The following KCND2 variants were observed in gnomAD, a reference collection of about 807,000 sequenced individuals.
KCND2 encodes A-type voltage-gated potassium channel KCND2.
In KCND2, 16 loss-of-function variants were observed where a neutral mutation model predicts 54.4. The observed-to-expected ratio is 0.29, with a 90% CI of 0.20 to 0.45. The LOEUF is 0.45. KCND2 is among the 20% of genes least tolerant of loss of function. The pLI, the probability that KCND2 is intolerant of heterozygous loss-of-function variation, is 1.00. For synonymous variants in KCND2, 317 were observed against 310.7 expected (o/e 1.02, Z -0.21); for missense variants, 486 against 824.2 (o/e 0.59, Z 5.02).
At chr7:120,666,437 A>G (rs1042391666) in intron 1 of KCND2, among the ~76,000 whole-genome samples, 1 of 151,964 alleles carries the variant, frequency 6.6e-6, no homozygotes, top group Non-Finnish European at 1.5e-5. Flanking sequence ...TAAAGAATCA[A>G]TAATCTAGTA....
chr7:120,416,317 T>C (rs567876463), intron 1 of KCND2, among the ~76,000 whole-genome samples: 14 of 152,294 alleles, frequency 9.2e-5, no homozygotes, highest in Admixed American at 8.5e-4. Flanking sequence ...TTTGCACATA[T>C]TTTTGCCTCT....
chr7:120,377,378 G>C lies in KCND2; in HGVS notation c.1115+101631G>C, dbSNP rs959561696. Among the ~76,000 whole-genome samples, 6 of 151,868 alleles carry C rather than the reference G, an allele frequency of 4.0e-5. No homozygotes were observed. The East Asian group carries it at 9.7e-4, about 25-fold the overall frequency. ...TAGAAGTGTAGTGGGCTCAAGTTTT[G>C]ACAACCAGAAAGAGTTTGTGGTGAG... is the stretch of plus-strand genomic sequence containing the variant. On this transcript the variant is annotated intron_variant, in intron 1 of 5. Coordinates refer to ENST00000331113, the MANE Select transcript of KCND2 (RefSeq NM_012281.3).
At chr7:120,386,936 A>G (rs1050075576) in intron 1 of KCND2, among the ~76,000 whole-genome samples, 1 of 152,144 alleles carries the variant, frequency 6.6e-6, no homozygotes, top group Non-Finnish European at 1.5e-5. Flanking sequence ...TTCTTTATTC[A>G]GTGCAATTAT....
chr7:120,591,329 A>G (rs1285759965), intron 1 of KCND2, among the ~76,000 whole-genome samples: 3 of 152,164 alleles, frequency 2.0e-5, no homozygotes, highest in Admixed American at 2.0e-4. Flanking sequence ...GAAAAAGTGG[A>G]TTGGCCTACA....
chr7:120,383,294 G>A (rs1800938694), intron 1 of KCND2, among the ~76,000 whole-genome samples: 1 of 151,880 alleles, frequency 6.6e-6, no homozygotes, highest in Non-Finnish European at 1.5e-5. Context: ...CATCTAGGCT[G>A]CAAAGGTTGC....
chr7:120,371,925 T>A (rs1367428412), intron 1 of KCND2, among the ~76,000 whole-genome samples: 2 of 151,908 alleles, frequency 1.3e-5, no homozygotes, highest in African/African-American at 4.8e-5. Flanking sequence ...TCAGAACGTA[T>A]CCCTGGTGTT....
rs1175736454 is a variant in KCND2 at position 120,621,276 on chromosome 7, C to CAAAAA, written c.1116-111603_1116-111599dup. ...TGGGCGACAGAGCAAGACTCCGTCTCAAAAAAAAAAAAAAAAAAAAAAAAA... is the reference window on the plus strand; with the variant it reads ...TGGGCGACAGAGCAAGACTCCGTCTCAAAAAAAAAAAAAAAAAAAAAAAAAAAAAA... On this transcript the variant is annotated intron_variant, in intron 1 of 5. Coordinates refer to ENST00000331113, the MANE Select transcript of KCND2 (RefSeq NM_012281.3). Among the ~76,000 whole-genome samples the CAAAAA allele has an allele frequency of 6.6e-4, 31 of 47,196 alleles. 1 individual carries two copies. The highest frequency in any genetic ancestry group is 1.8e-3 in the African/African-American group (26 of 14,490). The allele number at this position is 47,196 out of a possible 152,430, so 31.0% of individuals were successfully genotyped here. A position where few individuals can be genotyped will look rare whatever the true frequency, so the allele number is the denominator to read the frequency against.
intron 2 of KCND2, among the ~76,000 whole-genome samples, chr7:120,734,666 G>T (rs1293140770): frequency 6.6e-6 from 1 of 152,046 alleles, no homozygotes. Flanking sequence ...CTCTTTTGTA[G>T]TTTCCTTTGG....
chr7:120,571,099 A>G (rs1374148140), intron 1 of KCND2, among the ~76,000 whole-genome samples: 1 of 152,130 alleles, frequency 6.6e-6, no homozygotes, highest in Non-Finnish European at 1.5e-5. Flanking sequence ...AGCTTCACTG[A>G]AACAGATCGT....
intron 1 of KCND2, among the ~76,000 whole-genome samples, chr7:120,484,236 A>G (rs1338074382): frequency 6.6e-6 from 1 of 152,126 alleles, no homozygotes; most frequent in Non-Finnish European, 1.5e-5. Context: ...TCCAGTAGTT[A>G]TGATCAACTA....
chr7:120,302,663 T>A (rs1799604006), intron 1 of KCND2, among the ~76,000 whole-genome samples: 1 of 152,216 alleles, frequency 6.6e-6, no homozygotes, highest in Non-Finnish European at 1.5e-5. Context: ...AAAAGAGTGA[T>A]ATACAAACAA....
chr7:120,613,084 A>ATTTTTTTTTT (rs68066248), intron 1 of KCND2, among the ~76,000 whole-genome samples: 1 of 144,694 alleles, frequency 6.9e-6, no homozygotes. Flanking sequence ...GTTTAGCCTA[A>ATTTTTTTTTT]TTTTTTTTTT....
intron 1 of KCND2, among the ~76,000 whole-genome samples, chr7:120,485,579 G>A (rs1802681547): frequency 6.6e-6 from 1 of 152,098 alleles, no homozygotes; most frequent in Non-Finnish European, 1.5e-5. Context: ...CTACTGAATT[G>A]CCTATGGACA....
chr7:120,627,717 C>A (rs1584860027), intron 1 of KCND2, among the ~76,000 whole-genome samples: 2 of 151,988 alleles, frequency 1.3e-5, no homozygotes, highest in East Asian at 3.9e-4. Flanking sequence ...ATAGTCTAAT[C>A]AATATTTCAT....
At chr7:120,412,634 C>A (rs1398976666) in intron 1 of KCND2, among the ~76,000 whole-genome samples, 4 of 152,026 alleles carry the variant, frequency 2.6e-5, no homozygotes, top group Non-Finnish European at 5.9e-5. Flanking sequence ...CCCTGAGCTT[C>A]CCACCCTGTG....
At chr7:120,568,909 T>A (rs539561934) in intron 1 of KCND2, among the ~76,000 whole-genome samples, 8 of 152,216 alleles carry the variant, frequency 5.3e-5, no homozygotes, top group African/African-American at 1.9e-4. Flanking sequence ...TAATTTTGTT[T>A]CCCCTCGCAA....
intron 1 of KCND2, among the ~76,000 whole-genome samples, chr7:120,328,755 A>C (rs1379343791): frequency 6.6e-6 from 1 of 152,136 alleles, no homozygotes; most frequent in Non-Finnish European, 1.5e-5. Context: ...TTCTGAGCTC[A>C]TGTATAAGAA....
intron 1 of KCND2, among the ~76,000 whole-genome samples, chr7:120,576,126 TATA>T (rs1463474173): frequency 6.6e-6 from 1 of 152,180 alleles, no homozygotes; most frequent in Non-Finnish European, 1.5e-5. Context: ...ACCATTTTGA[TATA>T]GTCTTCTTCA....
At chr7:120,661,948 T>C (rs1405055338) in intron 1 of KCND2, among the ~76,000 whole-genome samples, 4 of 152,198 alleles carry the variant, frequency 2.6e-5, no homozygotes, top group African/African-American at 7.2e-5. Context: ...GCCTCCCCTT[T>C]TTCTTCCTGA....
Sources: gnomAD v4.1 joint callset for allele counts (sites outside exome capture counted in the v4.1 genomes callset) on GRCh38, gnomAD v4.1.1 for gene constraint, MANE v1.5 for transcripts, NCBI Gene and HGNC (gene_info 2026-07-23, HGNC 2026-07-21) for gene names.